CLIC5: variants seen among roughly 807,000 people sequenced by gnomAD.
CLIC5 encodes the protein CLIC family member 5.
A neutral mutation model predicts 24.7 loss-of-function variants in CLIC5; 20 were observed. The ratio of observed to expected loss-of-function variants is 0.81; its 90% CI spans 0.57 to 1.18. The LOEUF is 1.18. CLIC5 is among the 50% of genes most tolerant of loss of function. The pLI is 0.00. For synonymous variants in CLIC5, 159 were observed against 135.6 expected (o/e 1.17, Z -1.20); for missense variants, 341 against 326.1 (o/e 1.05, Z -0.35).
At chr6:45,983,926 T>G (rs947483543) in intron 1 of CLIC5, among the ~76,000 whole-genome samples, 3 of 152,214 alleles carry the variant, frequency 2.0e-5, no homozygotes, top group Non-Finnish European at 4.4e-5. Flanking sequence ...AACACAAGAC[T>G]CCTTAAGTCA....
At chr6:46,015,409 AC>A (rs930083417) in intron 1 of CLIC5, 70 bp downstream of exon 1, 21 of 1,411,664 alleles carry the variant, frequency 1.5e-5, no homozygotes, top group Non-Finnish European at 1.9e-5. Flanking sequence ...AGTCCAGCGC[AC>A]CCCGAGCCCT....
At chr6:45,918,231 A>G (rs1007382425) in intron 4 of CLIC5, among the ~76,000 whole-genome samples, 12 of 152,230 alleles carry the variant, frequency 7.9e-5, no homozygotes, top group African/African-American at 1.2e-4. Flanking sequence ...CCATTCCATG[A>G]TCACTTCCAG....
downstream of CLIC5, among the ~76,000 whole-genome samples, chr6:45,894,721 A>T (rs1037139229): frequency 6.6e-6 from 1 of 152,228 alleles, no homozygotes; most frequent in Non-Finnish European, 1.5e-5. Flanking sequence ...TCTTAGGGCC[A>T]TTTAGGGCCA....
intron 1 of CLIC5, among the ~76,000 whole-genome samples, chr6:45,996,784 C>G (rs1252549580): frequency 1.3e-5 from 2 of 151,936 alleles, no homozygotes; most frequent in Middle Eastern, 3.4e-3. Context: ...CAGAGAAATG[C>G]AAATCAAAAC....
downstream of CLIC5, among the ~76,000 whole-genome samples, chr6:45,894,879 A>T (rs1762380483): frequency 6.6e-6 from 1 of 151,906 alleles, no homozygotes; most frequent in Non-Finnish European, 1.5e-5. Flanking sequence ...TAAGTAAGCA[A>T]ATATTTTCTG....
the CLIC5 span, among the ~76,000 whole-genome samples, chr6:46,097,780 C>T: frequency 3.3e-5 from 5 of 152,336 alleles, no homozygotes; most frequent in Admixed American, 6.5e-5. Context: ...TTCTCTATAT[C>T]GGTATCTCTA....
At chr6:45,886,292 G>A (rs1205546394) in intron 6 of CLIC5, among the ~76,000 whole-genome samples, 3 of 152,196 alleles carry the variant, frequency 2.0e-5, no homozygotes, top group Admixed American at 1.3e-4. Context: ...CATCTGGATC[G>A]GTAGCCAAAG....
chr6:46,040,436 C>T (rs558624416), intron 1 of CLIC5, among the ~76,000 whole-genome samples: 111 of 151,906 alleles, frequency 7.3e-4, no homozygotes, highest in African/African-American at 2.5e-3. Context: ...GTAATGGTAG[C>T]GGAACACAGT....
chr6:46,125,705 C>T, the CLIC5 span, among the ~76,000 whole-genome samples: 1 of 152,136 alleles, frequency 6.6e-6, no homozygotes, highest in Non-Finnish European at 1.5e-5. Flanking sequence ...TGCTCAATGT[C>T]ATCACGTGTT....
chr6:46,024,094 T>C (rs940862643), intron 1 of CLIC5, among the ~76,000 whole-genome samples: 1 of 152,102 alleles, frequency 6.6e-6, no homozygotes, highest in Non-Finnish European at 1.5e-5. Context: ...GCAGTTACAT[T>C]TGTGAGAGTA....
chr6:45,904,712 A>C (rs12524391), intron 5 of CLIC5, among the ~76,000 whole-genome samples: 59 of 61,566 alleles, frequency 9.6e-4, no homozygotes, highest in African/African-American at 1.1e-3. Context: ...TCTTTCTCTC[A>C]CTCTCTCTCT....
intron 1 of CLIC5, among the ~76,000 whole-genome samples, chr6:45,974,522 T>TATAGAG (rs1339415709): frequency 1.8e-4 from 12 of 66,004 alleles, no homozygotes; most frequent in African/African-American, 6.9e-4. Flanking sequence ...TATATATATA[T>TATAGAG]AGAGAGAGAG....
chr6:46,129,153 C>T, the CLIC5 span, among the ~76,000 whole-genome samples: 1 of 152,142 alleles, frequency 6.6e-6, no homozygotes, highest in Non-Finnish European at 1.5e-5. Flanking sequence ...CCTTCTGGAG[C>T]CTGCATTTTA....
At chr6:46,063,767 G>T (rs902627078) in intron 1 of CLIC5, among the ~76,000 whole-genome samples, 4 of 152,198 alleles carry the variant, frequency 2.6e-5, no homozygotes, top group Non-Finnish European at 4.4e-5. Context: ...AGGGCATTGG[G>T]CAGAGTCCTC....
At chr6:46,067,171 G>A (rs1025673171) in intron 1 of CLIC5, among the ~76,000 whole-genome samples, 2 of 152,074 alleles carry the variant, frequency 1.3e-5, no homozygotes, top group Admixed American at 1.3e-4. Flanking sequence ...GGGTCTCAGG[G>A]ATAACTGTTT....
At chr6:45,907,662 A>G (rs1238688310) in intron 5 of CLIC5, among the ~76,000 whole-genome samples, 1 of 152,016 alleles carries the variant, frequency 6.6e-6, no homozygotes, top group Admixed American at 6.5e-5. Context: ...TGGGGCTTTT[A>G]CTGGTTGGTA....
At position 45,989,461 on chromosome 6, in the gene CLIC5, A is replaced by G. The variant is rs533434727; in HGVS notation, c.63+26019T>C. Among the ~76,000 whole-genome samples the G allele has an allele frequency of 3.3e-5, 5 of 152,356 alleles. No individual in the cohort carries two copies. The South Asian group carries it at 1.0e-3, about 32-fold the overall frequency. Reference sequence around the variant, plus strand: ...AATCCCCAAATTGAAATGTAGATCAATGGAAGTAGTTTTCTAGATTCACCA... The same window carrying G: ...AATCCCCAAATTGAAATGTAGATCAGTGGAAGTAGTTTTCTAGATTCACCA... On this transcript the variant is annotated intron_variant, in intron 1 of 5. Transcript: ENST00000339561.
chr6:46,017,031 C>T (rs1767036289), upstream of CLIC5, among the ~76,000 whole-genome samples: 3 of 152,196 alleles, frequency 2.0e-5, no homozygotes, highest in Admixed American at 1.3e-4. Context: ...GATTCACAGA[C>T]ACTTTTCTCT....
chr6:45,929,753 G>C (rs942203851), intron 4 of CLIC5, among the ~76,000 whole-genome samples: 17 of 152,184 alleles, frequency 1.1e-4, no homozygotes, highest in Admixed American at 9.8e-4. Context: ...GGACCCAACT[G>C]TCCTCCAAAA....
Sources: allele counts gnomAD v4.1 joint callset (sites outside exome capture counted in the v4.1 genomes callset), GRCh38; gene constraint gnomAD v4.1.1; transcripts MANE v1.5; gene names NCBI Gene and HGNC (gene_info 2026-07-23, HGNC 2026-07-21).